The following COL28A1 variants were observed in gnomAD, a reference collection of about 807,000 sequenced individuals.
The protein encoded by COL28A1 is collagen alpha-1(XXVIII) chain.
A neutral mutation model predicts 150.2 loss-of-function variants in COL28A1; 161 were observed. That is an observed-to-expected ratio of 1.07 (90% CI 0.94 to 1.22). COL28A1 has a LOEUF of 1.22. Ranked by LOEUF, COL28A1 falls within the 50% of genes most tolerant of loss-of-function variation. The pLI is 0.00. For synonymous variants in COL28A1, 552 were observed against 469.7 expected, an observed-to-expected ratio of 1.18 and a Z score of -2.26; for missense variants, 1,617 against 1,388.3, an observed-to-expected ratio of 1.16 and a Z score of -2.62.
chr7:7,490,908 T>C (rs145907209), intron 11 of COL28A1, among the ~76,000 whole-genome samples: 1 of 152,292 alleles, frequency 6.6e-6, no homozygotes, highest in African/African-American at 2.4e-5. Context: ...TTGTAATTTT[T>C]TGATTCAAAA....
intron 33 of COL28A1, 30 bp from the exon 34 acceptor site, chr7:7,360,558 C>T (rs1365484470): frequency 6.3e-7 from 1 of 1,576,176 alleles, no homozygotes; most frequent in Non-Finnish European, 8.6e-7. Flanking sequence ...TTTTGTGTTT[C>T]TGATAATATC....
rs561130309 is a variant in COL28A1, at chr7:7,491,535, T to C, written c.1027-889A>G. Among the ~76,000 whole-genome samples the C allele has an allele frequency of 5.9e-5, 9 of 152,382 alleles. No homozygotes were observed. In the South Asian group the frequency reaches 6.2e-4, roughly 11 times the overall value. ...AGAGTTCTCATGATTTAAGCCACTA[T>C]TATTCAAGATTTCTGTTACTCAAAG... On this transcript the variant is annotated intron_variant, in intron 11 of 34. Coordinates refer to ENST00000399429, the MANE Select transcript of COL28A1 (RefSeq NM_001037763.3).
At chr7:7,445,151 G>C (rs1295879622) in intron 18 of COL28A1, among the ~76,000 whole-genome samples, 1 of 152,130 alleles carries the variant, frequency 6.6e-6, no homozygotes, top group Non-Finnish European at 1.5e-5. Flanking sequence ...AGAACTGTAA[G>C]TCAATTAAAC....
At chr7:7,516,023 G>T (rs538536065) in intron 7 of COL28A1, among the ~76,000 whole-genome samples, 183 bp from the exon 8 acceptor site, 67 of 152,280 alleles carry the variant, frequency 4.4e-4, no homozygotes, top group African/African-American at 1.6e-3. Flanking sequence ...ATTTACTGAG[G>T]AGAAGAAAAT....
chr7:7,511,154 A>G lies in COL28A1; in HGVS notation c.883-19T>C, dbSNP rs1781113724. 2 of 1,595,100 alleles carry G rather than the reference A, an allele frequency of 1.3e-6. No individual in the cohort carries two copies. The highest frequency in any genetic ancestry group is 1.7e-5 in the Admixed American group (1 of 59,806). The stretch of plus-strand genomic sequence containing the variant: ...GTTCACCCTAAAAAATAAATAAGTG[A>G]AATAAATAAGAGAACACTTGCAGTC... On this transcript the variant is annotated intron_variant, in intron 8 of 34. Coordinates refer to ENST00000399429, the MANE Select transcript of COL28A1 (RefSeq NM_001037763.3).
rs200518519 is a variant in COL28A1, at chr7:7,452,335, C to G, written c.1493G>C (p.Gly498Ala). Reference protein sequence around the residue: ...PTGPRGPVGIGVQGPKGEPGS... With the variant: ...PTGPRGPVGIAVQGPKGEPGS... ...TCAACTCACCTTTGGACCTTGTACT[C>G]CAATTCCCACTGGTCCTCGAGGGCC... The change falls in exon 18 of 35, where the codon GGA (glycine) becomes GCA (alanine). Residue 498 changes from glycine to alanine, a missense_variant. Gly to Ala is a moderately conservative substitution (Grantham distance 60, BLOSUM62 0). Coordinates refer to ENST00000399429, the MANE Select transcript of COL28A1 (RefSeq NM_001037763.3). 2 of 1,606,398 alleles carry G rather than the reference C, an allele frequency of 1.2e-6. No individual in the cohort carries two copies. The highest frequency in any genetic ancestry group is 1.7e-6 in the Non-Finnish European group (2 of 1,178,350).
At position 7,358,672 on chromosome 7, in the gene COL28A1, G is replaced by A. The variant is rs1194607725; in HGVS notation, c.3339C>T (p.Asn1113=). The A allele has an allele frequency of 1.2e-6, 2 of 1,613,820 alleles. No homozygotes were observed. The highest frequency in any genetic ancestry group is 1.1e-5 in the South Asian group (1 of 91,070). The change falls in exon 35 of 35, where the codon AAC becomes AAT. Residue 1113 remains asparagine (N), a synonymous_variant. Transcript: ENST00000399429. Reference sequence around the variant, plus strand: ...AGGTTTCTTGACATTCCTTTTCACTGTTGAATCTATTTCCTGAGCCATTAC... The same window carrying A: ...AGGTTTCTTGACATTCCTTTTCACTATTGAATCTATTTCCTGAGCCATTAC... ...SGCNGSGNRF[N]SEKECQETCI... is the part of the protein sequence containing the mutation.
intron 3 of COL28A1, among the ~76,000 whole-genome samples, chr7:7,528,722 G>C (rs549498969): frequency 3.3e-5 from 5 of 152,224 alleles, no homozygotes; most frequent in African/African-American, 1.2e-4. Flanking sequence ...AAGATCAGTA[G>C]CTCAGGAGCA....
chr7:7,348,780 C>A, the COL28A1 span, among the ~76,000 whole-genome samples: 2 of 151,986 alleles, frequency 1.3e-5, no homozygotes, highest in African/African-American at 4.8e-5. Flanking sequence ...TTAGCAGTAT[C>A]CCGCAATATT....
intron 27 of COL28A1, among the ~76,000 whole-genome samples, chr7:7,383,682 G>GTATATATATAGATATA (rs1782014714): frequency 8.1e-6 from 1 of 124,096 alleles, no homozygotes; most frequent in Admixed American, 8.7e-5. Flanking sequence ...GTGTGTGTGT[G>GTATATATATAGATATA]TATATATATA....
chr7:7,458,705 C>T (rs936940504), intron 15 of COL28A1, among the ~76,000 whole-genome samples: 6 of 152,126 alleles, frequency 3.9e-5, no homozygotes, highest in African/African-American at 1.4e-4. Flanking sequence ...TTCATTTATC[C>T]TCACAACAAC....
intron 15 of COL28A1, among the ~76,000 whole-genome samples, chr7:7,463,535 C>A (rs1562737887): frequency 6.6e-6 from 1 of 152,114 alleles, no homozygotes; most frequent in Admixed American, 6.6e-5. Context: ...TCAAACAAAA[C>A]AATTATCAGC....
At chr7:7,495,063 A>C (rs1482470948) in intron 11 of COL28A1, among the ~76,000 whole-genome samples, 1 of 152,208 alleles carries the variant, frequency 6.6e-6, no homozygotes, top group Non-Finnish European at 1.5e-5. Context: ...GGTCCAATGC[A>C]AGTAGACAGC....
At chr7:7,458,889 T>A (rs1158139003) in intron 15 of COL28A1, among the ~76,000 whole-genome samples, 1 of 152,204 alleles carries the variant, frequency 6.6e-6, no homozygotes, top group African/African-American at 2.4e-5. Context: ...GAGGGTCCCT[T>A]TTTGTGCAGT....
At chr7:7,464,815 C>A (rs1787931088) in intron 15 of COL28A1, among the ~76,000 whole-genome samples, 1 of 152,034 alleles carries the variant, frequency 6.6e-6, no homozygotes, top group African/African-American at 2.4e-5. Context: ...AAGATCAGAG[C>A]AGAACTGAAT....
intron 30 of COL28A1, among the ~76,000 whole-genome samples, chr7:7,377,771 C>T (rs1013236160): frequency 6.9e-6 from 1 of 144,474 alleles, no homozygotes; most frequent in African/African-American, 2.6e-5. Flanking sequence ...ATCATAGCAG[C>T]CAGTGGAGGG....
chr7:7,494,005 G>A (rs533873630), intron 11 of COL28A1, among the ~76,000 whole-genome samples: 1 of 152,258 alleles, frequency 6.6e-6, no homozygotes, highest in East Asian at 1.9e-4. Flanking sequence ...AGTAGCCCCA[G>A]AAAGAATATG....
intron 21 of COL28A1, 53 bp from the exon 22 acceptor site, chr7:7,437,515 A>C: frequency 6.3e-7 from 1 of 1,576,396 alleles, no homozygotes. Flanking sequence ...GCACATATAG[A>C]GACAATATTA....
chr7:7,471,756 G>A (rs1788449809), intron 15 of COL28A1, among the ~76,000 whole-genome samples: 2 of 152,276 alleles, frequency 1.3e-5, no homozygotes, highest in Non-Finnish European at 2.9e-5. Context: ...TTAGCTGGAT[G>A]TGGTGGCGGG....
Sources: gnomAD v4.1 joint callset for allele counts (sites outside exome capture counted in the v4.1 genomes callset) on GRCh38, gnomAD v4.1.1 for gene constraint, MANE v1.5 for transcripts, NCBI Gene and HGNC (gene_info 2026-07-23, HGNC 2026-07-21) for gene names.